The following MICAL1 variants were observed in gnomAD, a reference collection of about 807,000 sequenced individuals.
MICAL1 encodes microtubule associated monooxygenase, calponin and LIM domain containing 1, also known as [F-actin]-monooxygenase MICAL1.
Under a neutral mutation model 131.8 loss-of-function variants are expected in MICAL1, and 95 were observed. The ratio of observed to expected loss-of-function variants is 0.72; its 90% CI spans 0.61 to 0.86. MICAL1 has a LOEUF of 0.86. MICAL1 is among the 40% of genes least tolerant of loss of function. MICAL1 has a pLI of 0.00. For synonymous variants in MICAL1, 546 were observed against 554.2 expected, an observed-to-expected ratio of 0.99 and a Z score of 0.21; for missense variants, 1,292 against 1,380.6, an observed-to-expected ratio of 0.94 and a Z score of 1.02.
chr6:109,454,032 G>C lies in MICAL1; in HGVS notation c.165C>G (p.Leu55=). ...LPQYHKIKDQ[L]NYWSAKSLWT... ...ACAGTGACTTGGCGCTCCAGTAGTT[G>C]AGCTGGTCCTTGATCTTGTGGTACT... The change falls in exon 2 of 25, where the codon CTC becomes CTG. Residue 55 remains leucine (L), a synonymous_variant. Coordinates refer to ENST00000358807, the MANE Select transcript of MICAL1 (RefSeq NM_022765.4). 1 of 1,614,178 alleles carries C rather than the reference G, an allele frequency of 6.2e-7. No homozygotes were observed. Among genetic ancestry groups the C allele is most frequent in the African/African-American group, 1.3e-5 (1 of 75,068 alleles).
At position 109,447,742 on chromosome 6, in the gene MICAL1, C is replaced by A. The variant is rs201580609; in HGVS notation, c.1945-20G>T. ...ATTTTCCTGCAATAAGTCCTAACAG[C>A]TCTAAGTGTGATGTTTTGAGGTCCC... On this transcript the variant is annotated intron_variant, in intron 14 of 24. Coordinates refer to ENST00000358807, the MANE Select transcript of MICAL1 (RefSeq NM_022765.4). 3 of 1,613,956 alleles carry A rather than the reference C, an allele frequency of 1.9e-6. No individual in the cohort carries two copies. Among genetic ancestry groups the A allele is most frequent in the African/African-American group, 2.7e-5 (2 of 74,880 alleles).
At chr6:109,456,762 GA>G (rs1357418871), upstream of MICAL1, among the ~76,000 whole-genome samples, 1 of 152,190 alleles carries the variant, frequency 6.6e-6, no homozygotes, top group Non-Finnish European at 1.5e-5. Context: ...GTCATCCTAT[GA>G]GTATTACCTC....
Position 109,450,343 on chromosome 6 carries a change from C to T in MICAL1, c.1148G>A (p.Gly383Asp). The T allele has an allele frequency of 6.2e-7, 1 of 1,610,602 alleles. No individual in the cohort carries two copies. Among genetic ancestry groups the T allele is most frequent in the Non-Finnish European group, 8.5e-7 (1 of 1,177,576 alleles). ...CACCAGTCCCAGCAGCAGGCGGGCG[C>T]CATGCTTCTCTTGCACACGAGCAGA... ...ESSARVQEKHGARLLLGLVGD... is the reference protein window; with the variant it reads ...ESSARVQEKHDARLLLGLVGD... The change falls in exon 8 of 25, where the codon GGC becomes GAC. Residue 383 changes from glycine to aspartate, a missense_variant. Gly to Asp is a moderately conservative substitution (Grantham distance 94, BLOSUM62 -1). Coordinates refer to ENST00000358807, the MANE Select transcript of MICAL1 (RefSeq NM_022765.4).
At chr6:109,448,651 A>G in intron 12 of MICAL1, 81 bp downstream of exon 12, 7 of 1,569,998 alleles carry the variant, frequency 4.5e-6, no homozygotes, top group Non-Finnish European at 5.2e-6. Context: ...GCAGGGAAGC[A>G]CACTGTCTCT....
chr6:109,445,057 C>A (rs1775146804), intron 22 of MICAL1, 62 bp from the exon 23 acceptor site: 1 of 1,593,596 alleles, frequency 6.3e-7, no homozygotes, highest in African/African-American at 1.3e-5. Flanking sequence ...ACAGGAGTTA[C>A]AGGCTTAGGG....
chr6:109,454,855 C>G (rs3778477), intron 1 of MICAL1: 45,261 of 152,522 alleles, frequency 0.3, 7,142 homozygotes, highest in Middle Eastern at 0.42. Context: ...CTCCACCAAA[C>G]TGCCTCAACA....
In MICAL1 at chr6:109,455,752, G is replaced by T. The variant is rs1032481741; in HGVS notation, c.-77C>A. 9.2e-6 allele frequency: 9 copies of T among 977,718 alleles called. No homozygotes were observed. The highest frequency in any genetic ancestry group is 1.1e-5 in the Non-Finnish European group (9 of 829,034). The allele number at this position is 977,718 out of a possible 1,614,324, so 60.6% of individuals were successfully genotyped here. Reference sequence around the variant, plus strand: ...CCGAAGCCGGGAGGGGCCGCTTCCTGTTGGGCTGGCAACCAGGTCTGAGCG... The same window carrying T: ...CCGAAGCCGGGAGGGGCCGCTTCCTTTTGGGCTGGCAACCAGGTCTGAGCG... On this transcript the variant is annotated 5_prime_UTR_variant, in exon 1 of 25. Coordinates refer to ENST00000358807, the MANE Select transcript of MICAL1 (RefSeq NM_022765.4). The surrounding 1 kb of genome is among the most constrained non-coding windows in gnomAD (Gnocchi z 4.7).
chr6:109,449,570 C>T, intron 10 of MICAL1, 87 bp downstream of exon 10: 1 of 1,605,950 alleles, frequency 6.2e-7, no homozygotes, highest in Admixed American at 1.7e-5. Context: ...AGGATTGACC[C>T]CAAAGGGCAG....
At position 109,455,752 on chromosome 6, in the gene MICAL1, G is replaced by C. The variant is rs1032481741; in HGVS notation, c.-77C>G. ...CCGAAGCCGGGAGGGGCCGCTTCCT[G>C]TTGGGCTGGCAACCAGGTCTGAGCG... is the stretch of plus-strand genomic sequence containing the variant. On this transcript the variant is annotated 5_prime_UTR_variant, in exon 1 of 25. Transcript: ENST00000358807. This position sits in a 1 kb window ranked among gnomAD's most constrained non-coding sequence, Gnocchi z 4.7. 1.2e-5 allele frequency: 12 copies of C among 977,718 alleles called. No individual in the cohort carries two copies. The highest frequency in any genetic ancestry group is 1.4e-5 in the Non-Finnish European group (12 of 829,034). 60.6% of individuals were successfully genotyped at this position (977,718 alleles called of 1,614,324 possible).
At chr6:109,451,942 C>G in intron 6 of MICAL1, 1 of 1,390,274 alleles carries the variant, frequency 7.2e-7, no homozygotes, top group Non-Finnish European at 9.3e-7. Context: ...AGACCTGCAC[C>G]ACCTGGTCGC....
chr6:109,449,192 G>A (rs1179566702), intron 11 of MICAL1: 11 of 704,640 alleles, frequency 1.6e-5, no homozygotes, highest in East Asian at 5.4e-5. Flanking sequence ...AAACACTAAC[G>A]CGCTTACATT....
rs775454978 is a variant in MICAL1, at chr6:109,453,836, C to T, written c.268G>A (p.Val90Met). 12 of 1,613,238 alleles carry T rather than the reference C, an allele frequency of 7.4e-6. No homozygotes were observed. In the South Asian group the frequency reaches 1.1e-4, roughly 15 times the overall value. ...RACTSTKCLV[V>M]GAGPCGLRVA... Reference sequence around the variant, plus strand: ...CGCAGCCCGCAAGGTCCAGCACCCACCACCAGGCACTGTGAACACACAGGG... The same window carrying T: ...CGCAGCCCGCAAGGTCCAGCACCCATCACCAGGCACTGTGAACACACAGGG... The change falls in exon 3 of 25, where the codon GTG (valine) becomes ATG (methionine). Residue 90 changes from valine (V) to methionine (M), a missense_variant. Val to Met is a conservative substitution (Grantham distance 21, BLOSUM62 1). Coordinates refer to ENST00000358807, the MANE Select transcript of MICAL1 (RefSeq NM_022765.4).
intron 1 of MICAL1, chr6:109,454,676 A>G (rs1775676160): frequency 5.7e-6 from 1 of 176,180 alleles, no homozygotes; most frequent in Non-Finnish European, 1.2e-5. Flanking sequence ...GCTGCTGAGC[A>G]TACATCCTGC....
chr6:109,452,228 A>G lies in MICAL1; in HGVS notation c.832+18T>C. ...AGTCAGGCAGGGGGAGGGGAAATTC[A>G]GCAAGAGGGTCCCTGACCTGTGGCT... On this transcript the variant is annotated intron_variant, in intron 6 of 24. Coordinates refer to ENST00000358807, the MANE Select transcript of MICAL1 (RefSeq NM_022765.4). 6.2e-7 allele frequency: 1 copy of G among 1,600,320 alleles called. No individual in the cohort carries two copies. The highest frequency in any genetic ancestry group is 8.5e-7 in the Non-Finnish European group (1 of 1,170,774).
rs770629817 is a variant in MICAL1, at chr6:109,450,342, G to A, written c.1149C>T (p.Gly383=). 103 of 1,610,210 alleles carry A rather than the reference G, an allele frequency of 6.4e-5. No homozygotes were observed. Among genetic ancestry groups the A allele is most frequent in the African/African-American group, 5.5e-4 (41 of 74,982 alleles). The change falls in exon 8 of 25, where the codon GGC becomes GGT. Residue 383 remains glycine, a synonymous_variant. Transcript: ENST00000358807. ...ESSARVQEKH[G]ARLLLGLVGD... ...CCACCAGTCCCAGCAGCAGGCGGGC[G>A]CCATGCTTCTCTTGCACACGAGCAG...
chr6:109,451,475 G>A (rs1032663468), intron 7 of MICAL1, 125 bp downstream of exon 7: 2 of 1,161,188 alleles, frequency 1.7e-6, no homozygotes, highest in South Asian at 1.5e-5. Context: ...TAGAGGTGAA[G>A]TTAATGCCAG....
intron 1 of MICAL1, chr6:109,465,546 C>T (rs1478430241): frequency 1.8e-6 from 2 of 1,134,170 alleles, no homozygotes; most frequent in Non-Finnish European, 2.5e-6. Context: ...ACATTTAAAC[C>T]TTACAGAAAA....
chr6:109,454,294 G>T (rs1775664104), intron 1 of MICAL1, 55 bp from the exon 2 acceptor site: 5 of 1,474,058 alleles, frequency 3.4e-6, no homozygotes, highest in Non-Finnish European at 4.5e-6. Context: ...AAATAAAAAG[G>T]AAGGGGAGGC....
At chr6:109,448,653 ACT>A (rs1775360594) in intron 12 of MICAL1, 77 bp downstream of exon 12, 1 of 1,572,530 alleles carries the variant, frequency 6.4e-7, no homozygotes, top group Non-Finnish European at 8.7e-7. Context: ...AGGGAAGCAC[ACT>A]GTCTCTAGGA....
Sources: allele counts gnomAD v4.1 joint callset (sites outside exome capture counted in the v4.1 genomes callset), GRCh38; gene constraint gnomAD v4.1.1; non-coding constraint Gnocchi (gnomAD v3.1); transcripts MANE v1.5; gene names NCBI Gene and HGNC (gene_info 2026-07-23, HGNC 2026-07-21).